Variants in GUCY1A2 observed in about 807,000 individuals in gnomAD.
GUCY1A2 encodes the protein guanylate cyclase soluble subunit alpha-2.
In GUCY1A2, 27 loss-of-function variants were observed where a neutral mutation model predicts 63.5. The observed-to-expected ratio is 0.43, with a 90% CI of 0.31 to 0.59. The LOEUF (loss-of-function observed/expected upper bound fraction) is 0.59. GUCY1A2 is among the 20% of genes least tolerant of loss of function. GUCY1A2 has a pLI of 0.11. For synonymous variants in GUCY1A2, 364 were observed against 343.5 expected (o/e 1.06, Z -0.66); for missense variants, 768 against 913.3 (o/e 0.84, Z 2.05).
At chr11:106,747,668 A>C (rs1161608569) in intron 6 of GUCY1A2, among the ~76,000 whole-genome samples, 2 of 152,218 alleles carry the variant, frequency 1.3e-5, no homozygotes, top group Non-Finnish European at 2.9e-5. Flanking sequence ...AAGATAATCA[A>C]TTACAACTGA....
chr11:106,847,377 C>A (rs1022737054), intron 4 of GUCY1A2, among the ~76,000 whole-genome samples: 2 of 151,208 alleles, frequency 1.3e-5, no homozygotes, highest in African/African-American at 4.8e-5. Flanking sequence ...AATACCTTTG[C>A]TGTAAGATAG....
intron 6 of GUCY1A2, among the ~76,000 whole-genome samples, chr11:106,714,033 A>AAAC (rs1555022588): frequency 2.0e-5 from 3 of 151,720 alleles, no homozygotes; most frequent in African/African-American, 7.3e-5. Flanking sequence ...TTAAAAAAAA[A>AAAC]AAACAAACTC....
At chr11:106,698,708 T>C (rs1368955992) in intron 7 of GUCY1A2, among the ~76,000 whole-genome samples, 1 of 152,182 alleles carries the variant, frequency 6.6e-6, no homozygotes, top group African/African-American at 2.4e-5. Flanking sequence ...ACTTTTTCTG[T>C]TCCAGGATTT....
intron 4 of GUCY1A2, among the ~76,000 whole-genome samples, chr11:106,845,991 C>G (rs1237601703): frequency 1.3e-5 from 2 of 151,598 alleles, no homozygotes; most frequent in African/African-American, 4.8e-5. Flanking sequence ...TAATGTGATA[C>G]AGCTCTTGCC....
In GUCY1A2 at chr11:106,900,054, C is replaced by A. The variant is rs376705261; in HGVS notation, c.1206+39406G>T. On this transcript the variant is annotated intron_variant, in intron 4 of 7. Coordinates refer to ENST00000526355, the MANE Select transcript of GUCY1A2 (RefSeq NM_000855.3). Reference sequence around the variant, plus strand: ...TGAGCTAAGATCAGGCCACTGCACTCCAGCCTAGGCGACAGAGCGAGACTC... The same window carrying A: ...TGAGCTAAGATCAGGCCACTGCACTACAGCCTAGGCGACAGAGCGAGACTC... Among the ~76,000 whole-genome samples the A allele has an allele frequency of 2.7e-5, 4 of 149,080 alleles. No homozygotes were observed. In the East Asian group the frequency reaches 7.9e-4, roughly 29 times the overall value.
chr11:106,845,085 A>G (rs1029382916), intron 4 of GUCY1A2, among the ~76,000 whole-genome samples: 1 of 151,712 alleles, frequency 6.6e-6, no homozygotes, highest in Non-Finnish European at 1.5e-5. Flanking sequence ...TTCAAGATGG[A>G]GTTACCTGTT....
intron 6 of GUCY1A2, among the ~76,000 whole-genome samples, chr11:106,755,753 T>A (rs1358014677): frequency 6.6e-6 from 1 of 152,020 alleles, no homozygotes; most frequent in African/African-American, 2.4e-5. Flanking sequence ...TCCTGAGGAG[T>A]GTTTTACTTC....
At chr11:106,707,152 C>CT in intron 7 of GUCY1A2, among the ~76,000 whole-genome samples, 1 of 152,134 alleles carries the variant, frequency 6.6e-6, no homozygotes, top group South Asian at 2.1e-4. Context: ...TTAGCAAGAG[C>CT]TTTAAAATGT....
intron 4 of GUCY1A2, among the ~76,000 whole-genome samples, chr11:106,891,637 T>C (rs939854962): frequency 6.6e-6 from 1 of 152,116 alleles, no homozygotes; most frequent in Non-Finnish European, 1.5e-5. Context: ...TCCATATAAA[T>C]ACTCAGTTAC....
intron 3 of GUCY1A2, among the ~76,000 whole-genome samples, chr11:106,949,825 G>A (rs1337603890): frequency 6.6e-6 from 1 of 152,196 alleles, no homozygotes; most frequent in Non-Finnish European, 1.5e-5. Context: ...GAAACTAAAT[G>A]AAGACCACTA....
At chr11:106,833,683 T>C (rs1395773993) in intron 4 of GUCY1A2, among the ~76,000 whole-genome samples, 2 of 152,068 alleles carry the variant, frequency 1.3e-5, no homozygotes, top group Non-Finnish European at 2.9e-5. Context: ...TCTATAGATA[T>C]TAATGGAATG....
At chr11:106,924,822 T>C (rs1303144518) in intron 4 of GUCY1A2, among the ~76,000 whole-genome samples, 3 of 151,950 alleles carry the variant, frequency 2.0e-5, no homozygotes, top group Non-Finnish European at 4.4e-5. Flanking sequence ...CTGGCCAACA[T>C]GGTGAAACCC....
At chr11:106,997,543 G>A (rs1295921661) in intron 1 of GUCY1A2, among the ~76,000 whole-genome samples, 2 of 151,896 alleles carry the variant, frequency 1.3e-5, no homozygotes, top group African/African-American at 4.8e-5. Context: ...AGAGGTACAA[G>A]GCCCACAAAA....
chr11:106,713,429 TAAAC>T (rs1174874964), intron 6 of GUCY1A2, among the ~76,000 whole-genome samples: 8 of 151,292 alleles, frequency 5.3e-5, no homozygotes, highest in South Asian at 2.1e-4. Flanking sequence ...GTATTCCTCT[TAAAC>T]AAACTAAGTG....
intron 4 of GUCY1A2, among the ~76,000 whole-genome samples, chr11:106,830,560 A>C (rs375413667): frequency 2.6e-5 from 4 of 152,218 alleles, no homozygotes; most frequent in African/African-American, 9.6e-5. Flanking sequence ...GAAAGTTGAA[A>C]TATTAAACTG....
chr11:106,811,267 G>C (rs935760416), intron 4 of GUCY1A2, among the ~76,000 whole-genome samples: 1 of 152,030 alleles, frequency 6.6e-6, no homozygotes, highest in Non-Finnish European at 1.5e-5. Context: ...GTGAACACAA[G>C]CTTATGCCCA....
chr11:106,801,698 T>C (rs1190473082), intron 5 of GUCY1A2, among the ~76,000 whole-genome samples: 2 of 152,126 alleles, frequency 1.3e-5, no homozygotes, highest in Admixed American at 6.6e-5. Flanking sequence ...AATAATTTAA[T>C]TGTACATTTT....
chr11:106,939,225 T>C (rs771632974), intron 4 of GUCY1A2, among the ~76,000 whole-genome samples: 20 of 152,332 alleles, frequency 1.3e-4, no homozygotes, highest in Non-Finnish European at 2.5e-4. Flanking sequence ...TAGCTAGTAT[T>C]AATAAATGTC....
At chr11:106,917,832 T>C (rs1201401746) in intron 4 of GUCY1A2, among the ~76,000 whole-genome samples, 2 of 136,630 alleles carry the variant, frequency 1.5e-5, no homozygotes, top group East Asian at 2.4e-4. Flanking sequence ...CTGGGAGATA[T>C]ACCTAATGTT....
Sources: gnomAD v4.1 joint callset for allele counts (sites outside exome capture counted in the v4.1 genomes callset) on GRCh38, gnomAD v4.1.1 for gene constraint, MANE v1.5 for transcripts, NCBI Gene and HGNC (gene_info 2026-07-23, HGNC 2026-07-21) for gene names.